The following NUBP2 variants were observed in gnomAD, a reference collection of about 807,000 sequenced individuals.
The protein encoded by NUBP2 is cytosolic Fe-S cluster assembly factor NUBP2.
Under a neutral mutation model 24.9 loss-of-function variants are expected in NUBP2, and 23 were observed. The observed-to-expected ratio is 0.92, with a 90% CI of 0.66 to 1.31. The LOEUF (loss-of-function observed/expected upper bound fraction) is 1.31. NUBP2 is among the 50% of genes most tolerant of loss of function. The probability of loss-of-function intolerance (pLI) is 0.00; values close to 1 mark genes in which losing one functional copy is unlikely to be tolerated. For synonymous variants in NUBP2, 186 were observed against 170.9 expected (o/e 1.09, Z -0.69); for missense variants, 403 against 386.5 (o/e 1.04, Z -0.36).
chr16:1,783,107 G>A lies in NUBP2; in HGVS notation c.16+71G>A, dbSNP rs569354320. ...GGGCCCCGCCGCGTCCCTTCCCGGG[G>A]CGGCCTCGCTGCGTCGCGCGCCTCC... On this transcript the variant is annotated intron_variant, in intron 1 of 6. Coordinates refer to ENST00000262302, the MANE Select transcript of NUBP2 (RefSeq NM_012225.4). 35 of 1,220,884 alleles carry A rather than the reference G, an allele frequency of 2.9e-5. No individual in the cohort carries two copies. In the South Asian group the frequency reaches 1.3e-3, roughly 45 times the overall value. The allele number at this position is 1,220,884 out of a possible 1,614,324, so 75.6% of individuals were successfully genotyped here.
intron 3 of NUBP2, 21 bp downstream of exon 3, chr16:1,786,976 C>A: frequency 2.0e-6 from 3 of 1,504,802 alleles, no homozygotes; most frequent in Non-Finnish European, 2.7e-6. Flanking sequence ...GGCGGCGCGT[C>A]CGCCGTCCTG....
At chr16:1,783,111 CCTCGCTGCGT>C in intron 1 of NUBP2, 75 bp downstream of exon 1, 1 of 1,217,698 alleles carries the variant, frequency 8.2e-7, no homozygotes, top group Non-Finnish European at 1.0e-6. Context: ...CCCGGGGCGG[CCTCGCTGCGT>C]CGCGCGCCTC....
rs970822196 is a variant in NUBP2, at chr16:1,787,483, T to G, written c.335-194T>G. ...GGCCAGACACTGCAGAAAGGGACGC[T>G]GTAATGGCCCCGGCCCCATCTTTGC... On this transcript the variant is annotated intron_variant, in intron 3 of 6. Coordinates refer to ENST00000262302, the MANE Select transcript of NUBP2 (RefSeq NM_012225.4). 4.2e-6 allele frequency: 3 copies of G among 716,648 alleles called. No individual in the cohort carries two copies. The Admixed American group carries it at 8.0e-5, about 19-fold the overall frequency. 44.4% of individuals were successfully genotyped at this position (716,648 alleles called of 1,614,324 possible). A position where few individuals can be genotyped will look rare whatever the true frequency, so the allele number is the denominator to read the frequency against.
In NUBP2 at chr16:1,787,488, T is replaced by G. The variant is rs555470404; in HGVS notation, c.335-189T>G. The G allele has an allele frequency of 6.5e-5, 48 of 740,470 alleles. No individual in the cohort carries two copies. In the African/African-American group the frequency reaches 7.8e-4, roughly 12 times the overall value. The allele number at this position is 740,470 out of a possible 1,614,324, so 45.9% of individuals were successfully genotyped here. On this transcript the variant is annotated intron_variant, in intron 3 of 6. Transcript: ENST00000262302. ...GACACTGCAGAAAGGGACGCTGTAA[T>G]GGCCCCGGCCCCATCTTTGCACTCC...
rs1596863838 is a variant in NUBP2, at chr16:1,783,059, G to C, written c.16+23G>C. 4 of 1,296,794 alleles carry C rather than the reference G, an allele frequency of 3.1e-6. No individual in the cohort carries two copies. In the East Asian group the frequency reaches 9.4e-5, roughly 31 times the overall value. 80.3% of individuals were successfully genotyped at this position (1,296,794 alleles called of 1,614,324 possible). On this transcript the variant is annotated intron_variant, in intron 1 of 6. Transcript: ENST00000262302. ...CCGGTGAGTGGCGGGCCAGGGTGCG[G>C]AGCCGCTCCAGGGCCTCGCTTGGGG...
In NUBP2 at chr16:1,788,222, C is replaced by T; in HGVS notation, c.670+15C>T. On this transcript the variant is annotated intron_variant, in intron 6 of 6. Coordinates refer to ENST00000262302, the MANE Select transcript of NUBP2 (RefSeq NM_012225.4). ...GCCCTTCTTAGGTGAGTGTCCCAAG[C>T]TGGTGCTGGGGTCGCGGCCTCCCAT... is the stretch of plus-strand genomic sequence containing the variant. The T allele has an allele frequency of 6.8e-7, 1 of 1,465,738 alleles. No individual in the cohort carries two copies. Among genetic ancestry groups the T allele is most frequent in the East Asian group, 2.5e-5 (1 of 39,764 alleles). The allele number at this position is 1,465,738 out of a possible 1,614,324, so 90.8% of individuals were successfully genotyped here.
At chr16:1,785,713 C>T (rs1229668880) in intron 1 of NUBP2, 6 of 1,289,082 alleles carry the variant, frequency 4.7e-6, no homozygotes, top group Non-Finnish European at 6.1e-6. Flanking sequence ...TCTGAGGACC[C>T]GCCTGCATGC....
chr16:1,784,262 T>C (rs556485952), intron 1 of NUBP2, among the ~76,000 whole-genome samples: 142 of 152,192 alleles, frequency 9.3e-4, no homozygotes, highest in African/African-American at 3.2e-3. Context: ...GCTACATTTT[T>C]AATGTGTAGA....
intron 1 of NUBP2, chr16:1,784,055 A>T (rs73483730): frequency 0.034 from 32,776 of 976,200 alleles, 2,645 homozygotes; most frequent in African/African-American, 0.29. Context: ...ATCAGGACGG[A>T]TTTACTACAA....
In NUBP2 at chr16:1,788,771, C is replaced by G; in HGVS notation, c.*57C>G. The G allele has an allele frequency of 6.5e-7, 1 of 1,545,352 alleles. No individual in the cohort carries two copies. Among genetic ancestry groups the G allele is most frequent in the Non-Finnish European group, 8.7e-7 (1 of 1,145,232 alleles). On this transcript the variant is annotated 3_prime_UTR_variant, in exon 7 of 7. Coordinates refer to ENST00000262302, the MANE Select transcript of NUBP2 (RefSeq NM_012225.4). ...CACCAAGGGCTCTGCTCCAGCCTCT[C>G]AGAGAAACAGAGGCCTGGGCTCGGT...
In NUBP2 at chr16:1,787,749, G is replaced by T. The variant is rs754151714; in HGVS notation, c.407G>T (p.Gly136Val). ...LDYLVVDTPP[G>V]TSDEHMATIE... ...TACCTGGTGGTGGACACGCCCCCGG[G>T]GACCTCCGATGAGCACATGGCCACC... The change falls in exon 4 of 7, where the codon GGG becomes GTG. Residue 136 changes from glycine to valine, a missense_variant. Coordinates refer to ENST00000262302, the MANE Select transcript of NUBP2 (RefSeq NM_012225.4). 8 of 1,612,614 alleles carry T rather than the reference G, an allele frequency of 5.0e-6. No homozygotes were observed. Among genetic ancestry groups the T allele is most frequent in the African/African-American group, 2.7e-5 (2 of 75,042 alleles).
intron 1 of NUBP2, 101 bp downstream of exon 1, chr16:1,783,137 C>G: frequency 8.3e-7 from 1 of 1,203,836 alleles, no homozygotes; most frequent in South Asian, 4.2e-5. Context: ...GCCTCCGGTG[C>G]GACCATCACC....
At chr16:1,783,209 T>C in intron 1 of NUBP2, 173 bp downstream of exon 1, 2 of 1,168,230 alleles carry the variant, frequency 1.7e-6, no homozygotes, top group Non-Finnish European at 2.1e-6. Flanking sequence ...CAGGGTCGTT[T>C]CCCGCGTGCT....
At chr16:1,783,148 G>A in intron 1 of NUBP2, 112 bp downstream of exon 1, 2 of 1,198,900 alleles carry the variant, frequency 1.7e-6, no homozygotes, top group South Asian at 4.3e-5. Flanking sequence ...GACCATCACC[G>A]GCCGGCGTGG....
In NUBP2 at chr16:1,788,180, GC is replaced by G; in HGVS notation, c.646del (p.Gln216SerfsTer8). ...CTCCAGGGGCGGCGGAGAGGAGCTG[GC>G]CCAGCTCGCCGGGGTGCCCTTCTTA... ...VFSRGGGEEL[A>X]QLAGVPFLGS... On this transcript the variant is annotated frameshift_variant, in exon 6 of 7. Transcript: ENST00000262302. LOFTEE classifies it low-confidence loss of function (END_TRUNC). 1.3e-6 allele frequency: 2 copies of G among 1,515,778 alleles called. No individual in the cohort carries two copies. The highest frequency in any genetic ancestry group is 2.4e-5 in the Admixed American group (1 of 41,858). 93.9% of individuals were successfully genotyped at this position (1,515,778 alleles called of 1,614,324 possible). A position where few individuals can be genotyped will look rare whatever the true frequency, so the allele number is the denominator to read the frequency against.
rs1453752003 is a variant in NUBP2, at chr16:1,787,978, T to C, written c.527T>C (p.Phe176Ser). 2.5e-6 allele frequency: 4 copies of C among 1,605,146 alleles called. No individual in the cohort carries two copies. In the South Asian group the frequency reaches 3.3e-5, roughly 13 times the overall value. The change falls in exon 5 of 7, where the codon TTC (phenylalanine) becomes TCC (serine). Residue 176 changes from phenylalanine (F) to serine (S), a missense_variant. By Grantham distance (155) the Phe-to-Ser change is radical. Transcript: ENST00000262302. ...GGGGACGTGAGGCGCGAGCTGACCT[T>C]CTGTAGGAAGACGGGCTTGCGGGTG... is the stretch of plus-strand genomic sequence containing the variant. ...SVGDVRRELT[F>S]CRKTGLRVMG...
rs1355307034 is a variant in NUBP2 at position 1,787,711 on chromosome 16, G to A, written c.369G>A (p.Trp123Ter). 1.2e-6 allele frequency: 2 copies of A among 1,612,536 alleles called. No homozygotes were observed. The highest frequency in any genetic ancestry group is 2.7e-5 in the African/African-American group (2 of 74,924). Residue 123 changes from tryptophan to a stop codon, truncating the protein, a stop_gained, in exon 4 of 7, where the codon TGG (tryptophan) becomes TGA (stop). Transcript: ENST00000262302. LOFTEE classifies it high-confidence loss of function. The stretch of plus-strand genomic sequence containing the variant: ...AGCAGTTTGTGTCCGACGTGGCCTG[G>A]GGGGAGCTGGACTACCTGGTGGTGG... Reference protein sequence around the residue: ...LIKQFVSDVAWGELDYLVVDT... With the variant: ...LIKQFVSDVA
rs71385716 is a variant in NUBP2 at position 1,788,699 on chromosome 16, C to T, written c.801C>T (p.Pro267=). 3.3e-5 allele frequency: 53 copies of T among 1,611,230 alleles called. 1 individual carries two copies. Among genetic ancestry groups the T allele is most frequent in the Middle Eastern group, 3.3e-4 (2 of 6,050 alleles). The stretch of plus-strand genomic sequence containing the variant: ...CCCAGAAGATTCTGGACGCGACGCC[C>T]GCGTGCCTCCCCTGACTAAGGCCAC... ...SIAQKILDAT[P]ACLP The change falls in exon 7 of 7, where the codon CCC becomes CCT. Residue 267 remains proline (P), a synonymous_variant. Coordinates refer to ENST00000262302, the MANE Select transcript of NUBP2 (RefSeq NM_012225.4).
chr16:1,788,078 C>T (rs369812847), intron 5 of NUBP2, 27 bp downstream of exon 5: 23 of 1,564,128 alleles, frequency 1.5e-5, no homozygotes, highest in Middle Eastern at 1.7e-4. Flanking sequence ...GCAGAGGGGG[C>T]GAGGCAGCAC....
Sources: allele counts gnomAD v4.1 joint callset (sites outside exome capture counted in the v4.1 genomes callset), GRCh38; gene constraint gnomAD v4.1.1; transcripts MANE v1.5; gene names NCBI Gene and HGNC (gene_info 2026-07-23, HGNC 2026-07-21).